COL23A1: variants seen among roughly 807,000 people sequenced by gnomAD.
COL23A1 encodes the protein collagen type XXIII alpha 1 chain, also known as collagen alpha-1(XXIII) chain.
COL23A1 carries 97 observed loss-of-function variants against 99.3 expected under a neutral mutation model. The ratio of observed to expected loss-of-function variants is 0.98; its 90% confidence interval spans 0.83 to 1.16. COL23A1 has a LOEUF of 1.16. COL23A1 is among the 50% of genes most tolerant of loss of function. COL23A1 has a pLI of 0.00. For missense variants in COL23A1, 762 were observed against 757.4 expected, an observed-to-expected ratio of 1.01 and a Z score of -0.07; for synonymous variants, 320 against 308.2, an observed-to-expected ratio of 1.04 and a Z score of -0.40.
chr5:178,288,961 T>C (rs1019819705), intron 4 of COL23A1, among the ~76,000 whole-genome samples: 6 of 152,178 alleles, frequency 3.9e-5, no homozygotes, highest in African/African-American at 1.4e-4. Flanking sequence ...TTTACTATTT[T>C]AACTGCCAAG....
chr5:178,436,510 C>T (rs369832912), intron 2 of COL23A1, among the ~76,000 whole-genome samples: 4 of 152,302 alleles, frequency 2.6e-5, no homozygotes, highest in South Asian at 4.1e-4. Flanking sequence ...ACACCAACTA[C>T]GGTCCAAACC....
intron 2 of COL23A1, among the ~76,000 whole-genome samples, chr5:178,467,667 C>T (rs781404332): frequency 1.3e-5 from 2 of 152,286 alleles, no homozygotes; most frequent in Non-Finnish European, 2.9e-5. Context: ...ACACCCGCTT[C>T]GTGATTTCTG....
intron 16 of COL23A1, among the ~76,000 whole-genome samples, chr5:178,254,138 A>T (rs2033201): frequency 0.38 from 57,016 of 151,998 alleles, 12,179 homozygotes; most frequent in South Asian, 0.48. Flanking sequence ...CTGGGCGACA[A>T]GAGTGAATCT....
chr5:178,259,856 C>T lies in COL23A1; in HGVS notation c.703-109G>A, dbSNP rs918795938. ...AGAAGTGGCACTGATGACCCGTGCC[C>T]AGGGCCAGCCCAGAGACCCCTGAAT... On this transcript the variant is annotated intron_variant, in intron 11 of 28. Coordinates refer to ENST00000390654, the MANE Select transcript of COL23A1 (RefSeq NM_173465.4). 1.4e-5 allele frequency: 14 copies of T among 1,011,624 alleles called. No individual in the cohort carries two copies. The East Asian group carries it at 2.9e-4, about 21-fold the overall frequency. The allele number at this position is 1,011,624 out of a possible 1,614,324, so 62.7% of individuals were successfully genotyped here.
chr5:178,577,825 G>A (rs1363607337), intron 1 of COL23A1, among the ~76,000 whole-genome samples: 2 of 152,268 alleles, frequency 1.3e-5, no homozygotes, highest in African/African-American at 4.8e-5. Flanking sequence ...GACGCTGGCC[G>A]GTTCAGAGGC....
intron 3 of COL23A1, among the ~76,000 whole-genome samples, chr5:178,298,592 C>T (rs1196769231): frequency 1.3e-5 from 2 of 152,234 alleles, no homozygotes; most frequent in Admixed American, 1.3e-4. Context: ...GGACTCCCAA[C>T]TTCCCCTCTG....
In COL23A1 at chr5:178,365,654, C is replaced by T. The variant is rs916004836; in HGVS notation, c.362-58735G>A. 6.6e-6 allele frequency among the ~76,000 whole-genome samples: 1 copy of T among 152,186 alleles called. No individual in the cohort carries two copies. Among genetic ancestry groups the T allele is most frequent in the Non-Finnish European group, 1.5e-5 (1 of 68,020 alleles). The stretch of plus-strand genomic sequence containing the variant: ...GCACCCGCCAGGCATGCAGTGGCCC[C>T]TCTCTTCTCCTCGACAACTGCGTGC... On this transcript the variant is annotated intron_variant, in intron 2 of 28. Transcript: ENST00000390654. This position sits in a 1 kb window ranked among gnomAD's most constrained non-coding sequence, Gnocchi z 5.2.
intron 5 of COL23A1, among the ~76,000 whole-genome samples, chr5:178,276,959 G>C (rs545820793): frequency 5.9e-5 from 9 of 152,332 alleles, no homozygotes; most frequent in Non-Finnish European, 1.0e-4. Context: ...TGCCCCTCAT[G>C]TGCTCCTTGG....
intron 2 of COL23A1, among the ~76,000 whole-genome samples, chr5:178,469,743 G>A (rs1193220450): frequency 6.6e-6 from 1 of 152,150 alleles, no homozygotes; most frequent in African/African-American, 2.4e-5. Flanking sequence ...CTCGCCGAGG[G>A]AAGCTGCCTG....
intron 2 of COL23A1, among the ~76,000 whole-genome samples, chr5:178,553,976 G>A (rs763824547): frequency 7.9e-5 from 12 of 152,114 alleles, no homozygotes; most frequent in Non-Finnish European, 1.8e-4. Flanking sequence ...GAACCCATTT[G>A]ATCCTCAAAA....
At chr5:178,455,718 T>A (rs1767748235) in intron 2 of COL23A1, among the ~76,000 whole-genome samples, 1 of 152,062 alleles carries the variant, frequency 6.6e-6, no homozygotes, top group African/African-American at 2.4e-5. Context: ...CTGGCACCTA[T>A]CCCCTGCCCA....
intron 2 of COL23A1, among the ~76,000 whole-genome samples, chr5:178,425,596 A>G (rs1166987836): frequency 1.3e-5 from 2 of 151,926 alleles, no homozygotes; most frequent in African/African-American, 2.4e-5. Flanking sequence ...ATCAAACGAG[A>G]TATCAGTGGT....
chr5:178,297,898 A>G (rs1312739173), intron 3 of COL23A1, among the ~76,000 whole-genome samples: 2 of 152,152 alleles, frequency 1.3e-5, no homozygotes, highest in Non-Finnish European at 2.9e-5. Flanking sequence ...TGGCTGCCAC[A>G]GCCTCTGGAG....
intron 2 of COL23A1, among the ~76,000 whole-genome samples, chr5:178,479,174 G>T (rs770523833): frequency 3.9e-5 from 6 of 152,068 alleles, no homozygotes; most frequent in Non-Finnish European, 8.8e-5. Flanking sequence ...ACACCATCAG[G>T]CGCTTTATGT....
chr5:178,361,160 T>C (rs1762155148), intron 2 of COL23A1, among the ~76,000 whole-genome samples: 1 of 152,194 alleles, frequency 6.6e-6, no homozygotes, highest in African/African-American at 2.4e-5. Flanking sequence ...TTAAATAAAA[T>C]ATATTTTAAA....
chr5:178,570,611 A>G (rs1296998414), intron 1 of COL23A1, among the ~76,000 whole-genome samples: 1 of 152,220 alleles, frequency 6.6e-6, no homozygotes, highest in African/African-American at 2.4e-5. Context: ...AACAACATCA[A>G]CAACAAAAGC....
intron 1 of COL23A1, among the ~76,000 whole-genome samples, chr5:178,570,908 G>C (rs1446827820): frequency 2.0e-5 from 3 of 152,182 alleles, no homozygotes; most frequent in East Asian, 1.9e-4. Flanking sequence ...GTAGGAGGCA[G>C]AGGGCCTAAT....
At chr5:178,441,185 T>C (rs1193083637) in intron 2 of COL23A1, among the ~76,000 whole-genome samples, 1 of 152,180 alleles carries the variant, frequency 6.6e-6, no homozygotes, top group Non-Finnish European at 1.5e-5. Context: ...GTCGTATTTT[T>C]TTCCCTCTCA....
intron 2 of COL23A1, among the ~76,000 whole-genome samples, chr5:178,502,728 AGT>A (rs1758638909): frequency 6.6e-6 from 1 of 152,256 alleles, no homozygotes; most frequent in Non-Finnish European, 1.5e-5. Context: ...ACATTCACAT[AGT>A]TGACGGTCCA....
Sources: gnomAD v4.1 joint callset for allele counts (sites outside exome capture counted in the v4.1 genomes callset) on GRCh38, gnomAD v4.1.1 for gene constraint, Gnocchi (gnomAD v3.1) non-coding constraint, MANE v1.5 for transcripts, NCBI Gene and HGNC (gene_info 2026-07-23, HGNC 2026-07-21) for gene names.